The following ZNF484 variants were observed in gnomAD, a reference collection of about 807,000 sequenced individuals.
ZNF484 encodes zinc finger protein 484.
In ZNF484, 11 loss-of-function variants were observed where a neutral mutation model predicts 12.9. The observed-to-expected ratio is 0.85, with a 90% CI of 0.54 to 1.41. The LOEUF (loss-of-function observed/expected upper bound fraction) is 1.41, where lower values mean the gene tolerates loss of function less well. Among genes scored for constraint, ZNF484 ranks in the 40% most tolerant of loss-of-function variants. The pLI, the probability that ZNF484 is intolerant of heterozygous loss-of-function variation, is 0.00. For synonymous variants in ZNF484, 289 were observed against 334.1 expected, an observed-to-expected ratio of 0.86 and a Z score of 1.47; for missense variants, 807 against 1,007.7, an observed-to-expected ratio of 0.80 and a Z score of 2.70.
Position 92,846,243 on chromosome 9 carries a change from T to G in ZNF484, c.2544A>C (p.Gln848His), listed in dbSNP as rs1191753427. The G allele has an allele frequency of 1.2e-6, 2 of 1,612,996 alleles. No homozygotes were observed. The highest frequency in any genetic ancestry group is 2.2e-5 in the East Asian group (1 of 44,874). The change falls in exon 5 of 5, where the codon CAA (glutamine) becomes CAC (histidine). Residue 848 changes from glutamine to histidine, a missense_variant. Transcript: ENST00000375495. ...WCGDSEGDQG[Q>H]LSSI is the part of the protein sequence containing the mutation. Reference sequence around the variant, plus strand: ...ATAATTCTAACTAGATAGAAGAAAGTTGGCCTTGGTCACCTTCTGAGTCCC... The same window carrying G: ...ATAATTCTAACTAGATAGAAGAAAGGTGGCCTTGGTCACCTTCTGAGTCCC...
At chr9:92,877,763 C>T (rs1857923918) in intron 1 of ZNF484, 127 bp downstream of exon 1, 2 of 1,533,726 alleles carry the variant, frequency 1.3e-6, no homozygotes, top group Non-Finnish European at 1.7e-6. Context: ...TCAGATCCAC[C>T]ATCAGAGATC....
Position 92,847,006 on chromosome 9 carries a change from T to C in ZNF484, c.1781A>G (p.His594Arg). The C allele has an allele frequency of 6.2e-7, 1 of 1,614,104 alleles. No individual in the cohort carries two copies. The highest frequency in any genetic ancestry group is 8.5e-7 in the Non-Finnish European group (1 of 1,180,016). Residue 594 changes from histidine (H) to arginine (R), a missense_variant, in exon 5 of 5, where the codon CAT becomes CGT. His to Arg is a conservative substitution (Grantham distance 29). Coordinates refer to ENST00000375495, the MANE Select transcript of ZNF484 (RefSeq NM_031486.4). ...ECGKAFFHKS[H>R]FITHERIHTG... is the part of the protein sequence containing the mutation. ...ATGAATTCTCTCATGTGTAATAAAA[T>C]GGGATTTGTGGAAGAAGGCCTTACC... is the stretch of plus-strand genomic sequence containing the variant.
chr9:92,846,825 G>A lies in ZNF484; in HGVS notation c.1962C>T (p.His654=), dbSNP rs61729905. ...AFTDRSNLFT[H]QKIHTGEKPY... ...GTTTCTCTCCAGTGTGAATTTTCTG[G>A]TGTGTAAAGAGATTTGATCTGTCAG... The change falls in exon 5 of 5, where the codon CAC becomes CAT. Residue 654 remains histidine, a synonymous_variant. Coordinates refer to ENST00000375495, the MANE Select transcript of ZNF484 (RefSeq NM_031486.4). The A allele has an allele frequency of 1.1e-5, 17 of 1,613,748 alleles. No homozygotes were observed. The highest frequency in any genetic ancestry group is 3.3e-4 in the Middle Eastern group (2 of 6,058).
intron 2 of ZNF484, among the ~76,000 whole-genome samples, 153 bp from the exon 3 acceptor site, chr9:92,856,471 T>G: frequency 6.6e-6 from 1 of 151,818 alleles, no homozygotes; most frequent in African/African-American, 2.4e-5. Context: ...TATAAAGAAC[T>G]TCTACAATTC....
At position 92,844,933 on chromosome 9, in the gene ZNF484, T is replaced by C. The variant is rs926814319; in HGVS notation, c.*1295A>G. The C allele has an allele frequency of 1.5e-4, 23 of 152,202 alleles. No homozygotes were observed. Among genetic ancestry groups the C allele is most frequent in the African/African-American group, 5.1e-4 (21 of 41,468 alleles). The allele number at this position is 152,202 out of a possible 1,614,324, so 9.4% of individuals were successfully genotyped here. On this transcript the variant is annotated 3_prime_UTR_variant, in exon 5 of 5. Transcript: ENST00000375495. Reference sequence around the variant, plus strand: ...AAATAATGATTGGCTATGTTCACCATGTACAGAATCCAAATATACAAAATT... The same window carrying C: ...AAATAATGATTGGCTATGTTCACCACGTACAGAATCCAAATATACAAAATT...
chr9:92,867,149 A>C (rs2118146979), intron 2 of ZNF484, among the ~76,000 whole-genome samples: 1 of 152,314 alleles, frequency 6.6e-6, no homozygotes, highest in East Asian at 1.9e-4. Context: ...CGGGAGTTCG[A>C]GACCAGCCTG....
chr9:92,857,970 T>G (rs1464566504), intron 2 of ZNF484, among the ~76,000 whole-genome samples: 1 of 152,200 alleles, frequency 6.6e-6, no homozygotes, highest in African/African-American at 2.4e-5. Context: ...TTGCCCAGGC[T>G]GGTCTGGGAC....
rs1271197310 is a variant in ZNF484, at chr9:92,844,492, A to G, written c.*1736T>C. 6.6e-6 allele frequency among the ~76,000 whole-genome samples: 1 copy of G among 152,228 alleles called. No homozygotes were observed. Among genetic ancestry groups the G allele is most frequent in the Non-Finnish European group, 1.5e-5 (1 of 68,046 alleles). On this transcript the variant is annotated 3_prime_UTR_variant, in exon 5 of 5. Transcript: ENST00000375495. ...TATAAACTCCAAGGAGGATAAATACATGGAAAAATTACACCTAGGCATATC... is the reference window on the plus strand; with the variant it reads ...TATAAACTCCAAGGAGGATAAATACGTGGAAAAATTACACCTAGGCATATC...
chr9:92,864,630 T>A (rs537116118), intron 2 of ZNF484, among the ~76,000 whole-genome samples: 11 of 152,316 alleles, frequency 7.2e-5, no homozygotes, highest in African/African-American at 2.6e-4. Flanking sequence ...CTTAAGCTTT[T>A]AAGCAAAAAA....
chr9:92,871,317 A>G (rs1381944846), intron 2 of ZNF484, among the ~76,000 whole-genome samples: 1 of 152,200 alleles, frequency 6.6e-6, no homozygotes, highest in Non-Finnish European at 1.5e-5. Flanking sequence ...AAAAGAATGG[A>G]GGCAACAGAA....
At chr9:92,859,039 T>G (rs1353670891) in intron 2 of ZNF484, among the ~76,000 whole-genome samples, 3 of 152,064 alleles carry the variant, frequency 2.0e-5, no homozygotes, top group Non-Finnish European at 4.4e-5. Context: ...GGCAGGAGAA[T>G]GGTGTGAACC....
At chr9:92,877,360 T>A (rs1286067692) in intron 1 of ZNF484, among the ~76,000 whole-genome samples, 2 of 152,058 alleles carry the variant, frequency 1.3e-5, no homozygotes, top group Non-Finnish European at 2.9e-5. Context: ...TTGATTCTTT[T>A]TAAATAGAGA....
chr9:92,864,552 T>C (rs1856958100), intron 2 of ZNF484, among the ~76,000 whole-genome samples: 1 of 152,214 alleles, frequency 6.6e-6, no homozygotes, highest in African/African-American at 2.4e-5. Flanking sequence ...AGATTTCTGT[T>C]ATACTAAAAT....
intron 2 of ZNF484, among the ~76,000 whole-genome samples, chr9:92,864,956 A>C (rs1393649745): frequency 6.6e-6 from 1 of 152,222 alleles, no homozygotes; most frequent in African/African-American, 2.4e-5. Flanking sequence ...TCAAAAAATA[A>C]GGATTATACA....
chr9:92,854,351 T>C (rs1334631476), intron 4 of ZNF484, among the ~76,000 whole-genome samples: 1 of 152,182 alleles, frequency 6.6e-6, no homozygotes, highest in Non-Finnish European at 1.5e-5. Flanking sequence ...TGGAAAATAA[T>C]GTGCTTATAC....
intron 2 of ZNF484, among the ~76,000 whole-genome samples, chr9:92,874,306 CTTTCTTT>C (rs1245862407): frequency 0.038 from 4,566 of 121,714 alleles, 121 homozygotes; most frequent in African/African-American, 0.12. Flanking sequence ...TTCTTTCTTT[CTTTCTTT>C]TTTTTTTTTT....
intron 2 of ZNF484, among the ~76,000 whole-genome samples, chr9:92,863,774 A>T (rs1856913286): frequency 6.6e-6 from 1 of 152,228 alleles, no homozygotes; most frequent in Non-Finnish European, 1.5e-5. Flanking sequence ...TACAGGGATT[A>T]AACATGTAGG....
chr9:92,850,339 GAAGT>G (rs1168345115), intron 4 of ZNF484, among the ~76,000 whole-genome samples: 1 of 152,202 alleles, frequency 6.6e-6, no homozygotes, highest in Non-Finnish European at 1.5e-5. Context: ...TCTGTGAAAA[GAAGT>G]ATTTCTGAGT....
chr9:92,850,653 G>A (rs111275816), intron 4 of ZNF484, among the ~76,000 whole-genome samples: 2,478 of 152,082 alleles, frequency 0.016, 58 homozygotes, highest in African/African-American at 0.054. Flanking sequence ...GCGCGATCTC[G>A]GCTCACTGCA....
Sources: allele counts gnomAD v4.1 joint callset (sites outside exome capture counted in the v4.1 genomes callset), GRCh38; gene constraint gnomAD v4.1.1; transcripts MANE v1.5; gene names NCBI Gene and HGNC (gene_info 2026-07-23, HGNC 2026-07-21).